ZNF469: variants seen among roughly 807,000 people sequenced by gnomAD.
The protein encoded by ZNF469 is zinc finger protein 469.
A neutral mutation model predicts 1.0 loss-of-function variants in ZNF469; 1 was observed. The observed-to-expected ratio is 1.00, with a 90% CI of 0.35 to 4.73. ZNF469 has a LOEUF of 4.73. Ranked by LOEUF, ZNF469 falls within the 30% of genes most tolerant of loss-of-function variation. The pLI is 0.16. For missense variants in ZNF469, 6,100 were observed against 5,356.3 expected (o/e 1.14, Z -4.33); for synonymous variants, 2,703 against 2,363.4 (o/e 1.14, Z -4.17).
the ZNF469 span, among the ~76,000 whole-genome samples, chr16:88,337,073 T>C: frequency 6.6e-6 from 1 of 152,260 alleles, no homozygotes; most frequent in Admixed American, 6.5e-5. Context: ...GGTTTAACCG[T>C]TCACCAAATG....
the ZNF469 span, among the ~76,000 whole-genome samples, chr16:88,190,256 AAGGCTAATTTC>A: frequency 6.6e-6 from 1 of 152,208 alleles, no homozygotes; most frequent in East Asian, 1.9e-4. Flanking sequence ...GTAGACCATT[AAGGCTAATTTC>A]AGGCCGAATA....
intron 1 of ZNF469, among the ~76,000 whole-genome samples, chr16:88,385,254 C>T (rs1375480174): frequency 6.6e-6 from 1 of 152,100 alleles, no homozygotes; most frequent in South Asian, 2.1e-4. Flanking sequence ...ACCGATAGTG[C>T]CCTAGATATC....
chr16:88,398,815 C>T lies in ZNF469; in HGVS notation c.-192+15561C>T, dbSNP rs116733190. ...AGCCCAGGGCATCCGGGCTGGGATC[C>T]GTGACCAAAGGTCAGGGCAGATCTG... is the stretch of plus-strand genomic sequence containing the variant. On this transcript the variant is annotated intron_variant, in intron 1 of 2. Transcript: ENST00000565624. Among the ~76,000 whole-genome samples, 312 of 152,286 alleles carry T rather than the reference C, an allele frequency of 2.0e-3. 1 individual carries two copies. Among genetic ancestry groups the T allele is most frequent in the African/African-American group, 7.1e-3 (296 of 41,544 alleles).
intron 1 of ZNF469, among the ~76,000 whole-genome samples, chr16:88,386,067 G>A (rs974758991): frequency 1.3e-5 from 2 of 152,284 alleles, no homozygotes; most frequent in East Asian, 1.9e-4. Context: ...AGGCACAAGC[G>A]GCCCGGTCCC....
the ZNF469 span, among the ~76,000 whole-genome samples, chr16:88,164,309 G>A: frequency 2.0e-4 from 31 of 151,728 alleles, no homozygotes; most frequent in East Asian, 5.6e-3. Context: ...GTGGATGGAT[G>A]CAGGGATGAT....
chr16:88,345,032 G>T, the ZNF469 span, among the ~76,000 whole-genome samples: 1 of 152,208 alleles, frequency 6.6e-6, no homozygotes, highest in African/African-American at 2.4e-5. Context: ...CCTACAGCAG[G>T]TTCTAGAAGG....
chr16:88,123,406 C>G, the ZNF469 span, among the ~76,000 whole-genome samples: 1 of 152,132 alleles, frequency 6.6e-6, no homozygotes, highest in South Asian at 2.1e-4. Context: ...GTGCACCTGT[C>G]GATGAAGATT....
chr16:88,350,771 C>T, the ZNF469 span, among the ~76,000 whole-genome samples: 6 of 152,336 alleles, frequency 3.9e-5, no homozygotes, highest in African/African-American at 1.2e-4. Flanking sequence ...TAGAGACACG[C>T]GCTGCGGGCT....
At chr16:88,140,790 G>A in the ZNF469 span, among the ~76,000 whole-genome samples, 13 of 152,240 alleles carry the variant, frequency 8.5e-5, no homozygotes, top group South Asian at 4.2e-4. Flanking sequence ...AAAGTTAGCC[G>A]GGCGTGGTGG....
intron 1 of ZNF469, among the ~76,000 whole-genome samples, chr16:88,396,570 T>G (rs1370174628): frequency 2.9e-4 from 7 of 24,066 alleles, no homozygotes; most frequent in African/African-American, 7.1e-4. Flanking sequence ...GGAGGCCAGA[T>G]GGAGACCCTC....
At chr16:88,197,563 T>C in the ZNF469 span, among the ~76,000 whole-genome samples, 1 of 152,206 alleles carries the variant, frequency 6.6e-6, no homozygotes, top group African/African-American at 2.4e-5. Flanking sequence ...ATTGTATTAG[T>C]CATCCACTGC....
rs900376297 is a variant in ZNF469, at chr16:88,433,601, C to A, written c.6131C>A (p.Ala2044Glu). The A allele has an allele frequency of 6.5e-7, 1 of 1,550,346 alleles. No individual in the cohort carries two copies. Among genetic ancestry groups the A allele is most frequent in the Admixed American group, 2.0e-5 (1 of 51,008 alleles). ...VLLEKCKGSR[A>E]AMSLQEEAEP... ...CTAGAGAAATGCAAGGGAAGCAGGG[C>A]AGCCATGAGCCTTCAGGAGGAGGCC... is the stretch of plus-strand genomic sequence containing the variant. The change falls in exon 3 of 3, where the codon GCA becomes GAA. Residue 2044 changes from alanine (A) to glutamate (E), a missense_variant. By Grantham distance (107) the Ala-to-Glu change is moderately radical. Coordinates refer to ENST00000565624, the MANE Select transcript of ZNF469 (RefSeq NM_001367624.2).
chr16:88,335,921 G>A, the ZNF469 span, among the ~76,000 whole-genome samples: 12 of 151,350 alleles, frequency 7.9e-5, no homozygotes, highest in Non-Finnish European at 1.3e-4. Context: ...TACCATGCAC[G>A]TTCATCCTTC....
At chr16:88,234,964 G>T in the ZNF469 span, 1 of 152,518 alleles carries the variant, frequency 6.6e-6, no homozygotes, top group South Asian at 2.0e-4. Context: ...GCAGGCGGCC[G>T]AGCGGGGTGG....
At chr16:88,388,649 G>C (rs1904403542) in intron 1 of ZNF469, among the ~76,000 whole-genome samples, 2 of 152,250 alleles carry the variant, frequency 1.3e-5, no homozygotes, top group South Asian at 4.1e-4. Context: ...TGGGAGCCAG[G>C]ATACCCGGGT....
the ZNF469 span, among the ~76,000 whole-genome samples, chr16:88,175,101 A>G: frequency 6.6e-6 from 1 of 152,168 alleles, no homozygotes. Context: ...AGCTTTTAAG[A>G]TCTTCCGACT....
At chr16:88,139,100 TGAA>T in the ZNF469 span, among the ~76,000 whole-genome samples, 1 of 152,200 alleles carries the variant, frequency 6.6e-6, no homozygotes, top group Non-Finnish European at 1.5e-5. Context: ...GGACTAGAAA[TGAA>T]GAGTGAAATG....
At position 88,430,089 on chromosome 16, in the gene ZNF469, TTCCGGCCCCAGAGGTCCCAGC is replaced by T. The variant is rs113102840; in HGVS notation, c.2625_2645del (p.Pro876_Gly882del). ...TCGACGTCTTCGCGGACGAGGAGCC[TTCCGGCCCCAGAGGTCCCAGC>T]TCCGGACACCCCCTTAAGAGCAAGG... On this transcript the variant is annotated inframe_deletion, in exon 3 of 3. Coordinates refer to ENST00000565624, the MANE Select transcript of ZNF469 (RefSeq NM_001367624.2). The T allele has an allele frequency of 2.6e-3, 4,036 of 1,550,276 alleles. 88 individuals carry two copies. In the African/African-American group the frequency reaches 0.048, roughly 19 times the overall value.
At chr16:88,115,719 C>T in the ZNF469 span, among the ~76,000 whole-genome samples, 1 of 151,142 alleles carries the variant, frequency 6.6e-6, no homozygotes, top group Admixed American at 6.6e-5. Flanking sequence ...CTGGGTCCTT[C>T]CAGCCGTACT....
Sources: allele counts gnomAD v4.1 joint callset (sites outside exome capture counted in the v4.1 genomes callset), GRCh38; gene constraint gnomAD v4.1.1; transcripts MANE v1.5; gene names NCBI Gene and HGNC (gene_info 2026-07-23, HGNC 2026-07-21).